The following ZFYVE28 variants were observed in gnomAD, a reference collection of about 807,000 sequenced individuals.
The protein encoded by ZFYVE28 is lateral signaling target protein 2 homolog.
In ZFYVE28, 40 loss-of-function variants were observed where a neutral mutation model predicts 82.1. The observed-to-expected ratio is 0.49, with a 90% CI of 0.38 to 0.63. The LOEUF (loss-of-function observed/expected upper bound fraction) is 0.63. Among genes scored for constraint, ZFYVE28 ranks in the 30% least tolerant of loss-of-function variants. The pLI is 0.00. For missense variants in ZFYVE28, 1,321 were observed against 1,242.1 expected, an observed-to-expected ratio of 1.06 and a Z score of -0.96; for synonymous variants, 612 against 546.1, an observed-to-expected ratio of 1.12 and a Z score of -1.68.
intron 1 of ZFYVE28, among the ~76,000 whole-genome samples, chr4:2,397,387 A>T (rs528699186): frequency 2.0e-5 from 3 of 150,766 alleles, no homozygotes; most frequent in African/African-American, 7.3e-5. Context: ...CTGAGGCAGG[A>T]GAATCGCTTG....
chr4:2,331,586 C>T (rs1233121361), intron 6 of ZFYVE28, among the ~76,000 whole-genome samples: 2 of 152,162 alleles, frequency 1.3e-5, no homozygotes, highest in African/African-American at 2.4e-5. Flanking sequence ...GTCTGAGCCT[C>T]GTGGAGACAC....
At chr4:2,400,213 G>A (rs73074307) in intron 1 of ZFYVE28, among the ~76,000 whole-genome samples, 4,885 of 152,308 alleles carry the variant, frequency 0.032, 245 homozygotes, top group African/African-American at 0.11. Context: ...TACATGAAAG[G>A]TCTTGGGGTT....
At chr4:2,381,875 A>G (rs1469753711) in intron 1 of ZFYVE28, among the ~76,000 whole-genome samples, 1 of 152,244 alleles carries the variant, frequency 6.6e-6, no homozygotes, top group Non-Finnish European at 1.5e-5. Context: ...CCACAAGCCC[A>G]GAGGCCTAGG....
At chr4:2,294,215 A>G (rs917916855) in intron 8 of ZFYVE28, among the ~76,000 whole-genome samples, 8 of 152,230 alleles carry the variant, frequency 5.3e-5, no homozygotes, top group African/African-American at 1.7e-4. Flanking sequence ...TAAAGCTACC[A>G]TATTTAGGAC....
At chr4:2,357,195 C>T (rs546087041) in intron 1 of ZFYVE28, among the ~76,000 whole-genome samples, 1 of 152,222 alleles carries the variant, frequency 6.6e-6, no homozygotes, top group South Asian at 2.1e-4. Context: ...CCGCACCCAG[C>T]GCAGTCCCCA....
At chr4:2,370,575 TGGACCCAATC>T in intron 1 of ZFYVE28, among the ~76,000 whole-genome samples, 1 of 152,300 alleles carries the variant, frequency 6.6e-6, no homozygotes, top group South Asian at 2.1e-4. Context: ...GAGGTAGCCC[TGGACCCAATC>T]CTGCCGGCCC....
At chr4:2,375,664 G>A (rs1560305344) in intron 1 of ZFYVE28, among the ~76,000 whole-genome samples, 1 of 151,902 alleles carries the variant, frequency 6.6e-6, no homozygotes, top group Non-Finnish European at 1.5e-5. Context: ...CCCTGGGGGC[G>A]GGACACAGGA....
chr4:2,398,036 A>AGGGGGGGGGGGGGG (rs11444538), intron 1 of ZFYVE28, among the ~76,000 whole-genome samples: 1 of 121,692 alleles, frequency 8.2e-6, no homozygotes, highest in African/African-American at 3.3e-5. Context: ...GTGAGATGGG[A>AGGGGGGGGGGGGGG]GGGGGGGTCC....
At chr4:2,355,212 AT>A (rs1324681447) in intron 1 of ZFYVE28, among the ~76,000 whole-genome samples, 33 of 1,370 alleles carry the variant, frequency 0.024, 4 homozygotes, top group African/African-American at 0.088. Flanking sequence ...ATATATATAT[AT>A]ATATATATAT....
chr4:2,405,057 A>AAT (rs1039306253), intron 1 of ZFYVE28, among the ~76,000 whole-genome samples: 34 of 152,072 alleles, frequency 2.2e-4, no homozygotes, highest in Non-Finnish European at 2.9e-5. Flanking sequence ...AAAAGATTAA[A>AAT]ATATATATAT....
rs116369383 is a variant in ZFYVE28 at position 2,302,963 on chromosome 4, C to T, written c.2051+1326G>A. On this transcript the variant is annotated intron_variant, in intron 8 of 12. Transcript: ENST00000290974. ...TCAAAACGCGGAGGACGGTTCCTGCCGCGCCCTCGTTAAGCCGAGCCATCG... is the reference window on the plus strand; with the variant it reads ...TCAAAACGCGGAGGACGGTTCCTGCTGCGCCCTCGTTAAGCCGAGCCATCG... Among the ~76,000 whole-genome samples the T allele has an allele frequency of 5.5e-3, 836 of 152,328 alleles. 4 individuals are homozygous for T. Among genetic ancestry groups the T allele is most frequent in the African/African-American group, 0.016 (645 of 41,568 alleles).
At chr4:2,399,175 CA>C (rs1358233672) in intron 1 of ZFYVE28, among the ~76,000 whole-genome samples, 1 of 131,988 alleles carries the variant, frequency 7.6e-6, no homozygotes, top group Non-Finnish European at 1.7e-5. Context: ...ATCGAGGGCA[CA>C]AGGGTGGAGG....
intron 1 of ZFYVE28, among the ~76,000 whole-genome samples, chr4:2,387,777 G>A (rs1477231705): frequency 6.6e-5 from 10 of 152,216 alleles, no homozygotes; most frequent in African/African-American, 2.4e-4. Context: ...CATCATGACG[G>A]GCTGTGGCAT....
chr4:2,358,626 C>A (rs1352923572), intron 1 of ZFYVE28, among the ~76,000 whole-genome samples: 1 of 152,222 alleles, frequency 6.6e-6, no homozygotes. Flanking sequence ...TGAGCACAGA[C>A]TGCCCTGCCA....
rs373118731 is a variant in ZFYVE28, at chr4:2,300,757, C to A, written c.2051+3532G>T. ...ACACATTTCCTTCATTTGCAGTACA[C>A]GGAGACGCGACTCGCACGTGAGACT... On this transcript the variant is annotated intron_variant, in intron 8 of 12. Transcript: ENST00000290974. The surrounding 1 kb of genome is among the most constrained non-coding windows in gnomAD (Gnocchi z 4.6). Among the ~76,000 whole-genome samples the A allele has an allele frequency of 1.3e-5, 2 of 152,156 alleles. No individual in the cohort carries two copies. Among genetic ancestry groups the A allele is most frequent in the African/African-American group, 4.8e-5 (2 of 41,426 alleles).
chr4:2,358,959 G>A (rs1351467619), intron 1 of ZFYVE28, among the ~76,000 whole-genome samples: 1 of 151,024 alleles, frequency 6.6e-6, no homozygotes, highest in Non-Finnish European at 1.5e-5. Context: ...GTGCCACTAT[G>A]GCCAGCCAAT....
At chr4:2,404,237 G>T (rs1731535157) in intron 1 of ZFYVE28, among the ~76,000 whole-genome samples, 1 of 145,106 alleles carries the variant, frequency 6.9e-6, no homozygotes, top group South Asian at 2.2e-4. Flanking sequence ...CAGGAGAATG[G>T]CATGAACCCG....
chr4:2,325,687 G>A (rs747063189), intron 6 of ZFYVE28, among the ~76,000 whole-genome samples: 2 of 143,210 alleles, frequency 1.4e-5, no homozygotes, highest in Non-Finnish European at 3.0e-5. Context: ...CTGCAAACTC[G>A]AACTCCTGGG....
chr4:2,292,802 C>G (rs943768013), intron 8 of ZFYVE28, among the ~76,000 whole-genome samples: 1 of 152,294 alleles, frequency 6.6e-6, no homozygotes, highest in East Asian at 1.9e-4. Flanking sequence ...TCCCCAGCTC[C>G]TCCTGGACAG....
Sources: allele counts gnomAD v4.1 joint callset (sites outside exome capture counted in the v4.1 genomes callset), GRCh38; gene constraint gnomAD v4.1.1; non-coding constraint Gnocchi (gnomAD v3.1); transcripts MANE v1.5; gene names NCBI Gene and HGNC (gene_info 2026-07-23, HGNC 2026-07-21).